The following CFAP61 variants were observed in gnomAD, a reference collection of about 807,000 sequenced individuals.
The protein encoded by CFAP61 is cilia- and flagella-associated protein 61.
A neutral mutation model predicts 135.6 loss-of-function variants in CFAP61; 107 were observed. The ratio of observed to expected loss-of-function variants is 0.79; its 90% CI spans 0.67 to 0.93. The LOEUF (loss-of-function observed/expected upper bound fraction) is 0.93. Among genes scored for constraint, CFAP61 ranks in the 40% least tolerant of loss-of-function variants. The probability of loss-of-function intolerance (pLI) is 0.00; values close to 1 mark genes in which losing one functional copy is unlikely to be tolerated. For synonymous variants in CFAP61, 575 were observed against 578.5 expected, an observed-to-expected ratio of 0.99 and a Z score of 0.09; for missense variants, 1,507 against 1,556.2, an observed-to-expected ratio of 0.97 and a Z score of 0.53.
intron 18 of CFAP61, among the ~76,000 whole-genome samples, chr20:20,231,085 C>T (rs1167324831): frequency 6.6e-6 from 1 of 152,190 alleles, no homozygotes; most frequent in African/African-American, 2.4e-5. Context: ...TGTGTAAATT[C>T]CTATCCTTTC....
chr20:20,356,119 G>A (rs1403361407), intron 26 of CFAP61, among the ~76,000 whole-genome samples: 8 of 128,810 alleles, frequency 6.2e-5, no homozygotes, highest in South Asian at 3.0e-4. Context: ...GTCACACTGA[G>A]GGGAGGTAGT....
At chr20:20,269,146 T>TATACACACAC (rs1419572825) in intron 21 of CFAP61, among the ~76,000 whole-genome samples, 2 of 85,614 alleles carry the variant, frequency 2.3e-5, no homozygotes, top group South Asian at 4.3e-4. Context: ...TATATATATA[T>TATACACACAC]ACACACACAC....
chr20:20,105,211 G>A (rs756811457), intron 8 of CFAP61, among the ~76,000 whole-genome samples: 1 of 152,116 alleles, frequency 6.6e-6, no homozygotes, highest in African/African-American at 2.4e-5. Flanking sequence ...CCCGAGGAAA[G>A]TCCCTGTGTC....
chr20:20,248,620 A>G (rs1350219331), intron 19 of CFAP61, among the ~76,000 whole-genome samples: 1 of 152,234 alleles, frequency 6.6e-6, no homozygotes, highest in African/African-American at 2.4e-5. Flanking sequence ...GCACTGATTA[A>G]TTGAAAGTTA....
intron 2 of CFAP61, among the ~76,000 whole-genome samples, chr20:20,060,651 C>A (rs944572727): frequency 2.0e-5 from 3 of 152,206 alleles, no homozygotes; most frequent in Non-Finnish European, 4.4e-5. Flanking sequence ...CTGTCACTTA[C>A]GCCTTTGTGT....
chr20:20,054,116 G>T (rs2044071096), intron 1 of CFAP61, among the ~76,000 whole-genome samples: 1 of 146,990 alleles, frequency 6.8e-6, no homozygotes, highest in African/African-American at 2.5e-5. Flanking sequence ...TTATTTCCCA[G>T]CATTTAATCT....
In CFAP61 at chr20:20,251,672, G is replaced by A. The variant is rs767265361; in HGVS notation, c.2237G>A (p.Gly746Asp). The A allele has an allele frequency of 6.2e-7, 1 of 1,614,206 alleles. No homozygotes were observed. The highest frequency in any genetic ancestry group is 2.2e-5 in the East Asian group (1 of 44,882). Residue 746 changes from glycine (G) to aspartate (D), a missense_variant, in exon 20 of 27, where the codon GGC becomes GAC. Physicochemically the swap from Gly to Asp is moderately conservative, Grantham distance 94 (BLOSUM62 -1). Coordinates refer to ENST00000245957, the MANE Select transcript of CFAP61 (RefSeq NM_015585.4). ...WVNVVVGRMT[G>D]IDRAAKHVVL... is the part of the protein sequence containing the mutation. ...AATGTCGTGGTGGGTAGAATGACCG[G>A]CATAGACCGAGCAGCCAAGCACGTT...
intron 6 of CFAP61, among the ~76,000 whole-genome samples, chr20:20,077,706 C>T (rs1332545104): frequency 6.6e-6 from 1 of 152,190 alleles, no homozygotes; most frequent in Admixed American, 6.5e-5. Flanking sequence ...AGAGAAGAGC[C>T]TTCCAGGTCA....
intron 8 of CFAP61, among the ~76,000 whole-genome samples, chr20:20,114,395 G>A (rs141155658): frequency 1.3e-5 from 2 of 152,268 alleles, no homozygotes; most frequent in African/African-American, 4.8e-5. Context: ...CCTAATCTCT[G>A]AATGTGGTAT....
At chr20:20,303,185 T>G (rs2056215011) in intron 25 of CFAP61, among the ~76,000 whole-genome samples, 1 of 152,148 alleles carries the variant, frequency 6.6e-6, no homozygotes, top group African/African-American at 2.4e-5. Context: ...GCTAAGACTT[T>G]CCGGAAAAAA....
intron 25 of CFAP61, among the ~76,000 whole-genome samples, chr20:20,331,446 C>A (rs1237766303): frequency 6.7e-6 from 1 of 150,038 alleles, no homozygotes; most frequent in Non-Finnish European, 1.5e-5. Flanking sequence ...AAAAAAGGAA[C>A]ACATTAATTA....
At chr20:20,262,822 T>C in intron 20 of CFAP61, 134 bp from the exon 21 acceptor site, 1 of 410,412 alleles carries the variant, frequency 2.4e-6, no homozygotes, top group Admixed American at 4.4e-5. Context: ...TTTTTTTCAA[T>C]TAAAATCTGA....
chr20:20,111,402 T>C (rs998426801), intron 8 of CFAP61, among the ~76,000 whole-genome samples: 1 of 152,188 alleles, frequency 6.6e-6, no homozygotes, highest in Non-Finnish European at 1.5e-5. Flanking sequence ...CTAAGATTCC[T>C]GGGCCTGCCG....
chr20:20,192,933 TC>T (rs1182079809), intron 15 of CFAP61, among the ~76,000 whole-genome samples: 1 of 152,142 alleles, frequency 6.6e-6, no homozygotes, highest in Non-Finnish European at 1.5e-5. Context: ...GCCACAGCCA[TC>T]ACCTCCACCC....
chr20:20,284,019 G>C (rs569845829), intron 22 of CFAP61, among the ~76,000 whole-genome samples: 1 of 152,184 alleles, frequency 6.6e-6, no homozygotes, highest in East Asian at 1.9e-4. Flanking sequence ...GGAATCTTGG[G>C]AACCACCTTA....
intron 9 of CFAP61, among the ~76,000 whole-genome samples, chr20:20,153,922 GA>G (rs2146782088): frequency 6.6e-6 from 1 of 151,954 alleles, no homozygotes; most frequent in African/African-American, 2.4e-5. Context: ...GAAAACTATA[GA>G]CTAATAATCC....
chr20:20,158,800 A>G (rs1204337104), intron 9 of CFAP61, among the ~76,000 whole-genome samples: 3 of 152,170 alleles, frequency 2.0e-5, no homozygotes, highest in Non-Finnish European at 4.4e-5. Context: ...GCGATGTGTC[A>G]TGTTCATTAT....
intron 8 of CFAP61, among the ~76,000 whole-genome samples, chr20:20,130,838 C>A (rs939020430): frequency 6.6e-6 from 1 of 151,852 alleles, no homozygotes; most frequent in Non-Finnish European, 1.5e-5. Flanking sequence ...AGTTACAGAG[C>A]AGAATTTCCA....
chr20:20,339,639 A>AT (rs993326129), intron 25 of CFAP61, among the ~76,000 whole-genome samples: 7 of 150,928 alleles, frequency 4.6e-5, no homozygotes, highest in South Asian at 2.1e-4. Context: ...CACCTGGCTA[A>AT]TTTTTTTTTA....
Sources: allele counts gnomAD v4.1 joint callset (sites outside exome capture counted in the v4.1 genomes callset), GRCh38; gene constraint gnomAD v4.1.1; transcripts MANE v1.5; gene names NCBI Gene and HGNC (gene_info 2026-07-23, HGNC 2026-07-21).